VPS13B: variants seen among roughly 807,000 people sequenced by gnomAD.
VPS13B encodes the protein vacuolar protein sorting 13 homolog B.
Under a neutral mutation model 426.4 loss-of-function variants are expected in VPS13B, and 285 were observed. That is an observed-to-expected ratio of 0.67 (90% CI 0.61 to 0.74). VPS13B has a LOEUF of 0.74. VPS13B is among the 30% of genes least tolerant of loss of function. The pLI is 0.00. For synonymous variants in VPS13B, 1,676 were observed against 1,676.4 expected (o/e 1.00, Z 0.01); for missense variants, 4,537 against 4,782.6 (o/e 0.95, Z 1.51).
intron 25 of VPS13B, among the ~76,000 whole-genome samples, chr8:99,487,096 G>C (rs1820349588): frequency 6.9e-6 from 1 of 145,196 alleles, no homozygotes; most frequent in African/African-American, 2.6e-5. Flanking sequence ...GTTTCTCATT[G>C]ACCGAAACCA....
At chr8:99,517,189 C>T (rs1044041482) in intron 29 of VPS13B, among the ~76,000 whole-genome samples, 1 of 152,152 alleles carries the variant, frequency 6.6e-6, no homozygotes. Context: ...TTTTGAGAAT[C>T]TTAAAGGAAA....
intron 33 of VPS13B, among the ~76,000 whole-genome samples, chr8:99,602,135 T>C (rs1398010664): frequency 1.3e-5 from 2 of 152,234 alleles, no homozygotes; most frequent in Non-Finnish European, 2.9e-5. Context: ...GTTTTAGTTC[T>C]AAAATTTAAG....
Position 99,641,999 on chromosome 8 carries a change from T to A in VPS13B, c.5409T>A (p.Ile1803=). The A allele has an allele frequency of 6.2e-7, 1 of 1,614,150 alleles. No individual in the cohort carries two copies. Among genetic ancestry groups the A allele is most frequent in the East Asian group, 2.2e-5 (1 of 44,882 alleles). The change falls in exon 34 of 62, where the codon ATT becomes ATA. Residue 1803 remains isoleucine, a synonymous_variant. Transcript: ENST00000357162. The part of the protein sequence containing the change: ...RIARPSRQSS[I]VKNLNFIPFD... The stretch of plus-strand genomic sequence containing the variant: ...CCCGTCCCTCACGCCAGTCATCAAT[T>A]GTAAAAAATCTAAATTTTATTCCCT...
intron 20 of VPS13B, among the ~76,000 whole-genome samples, 191 bp from the exon 21 acceptor site, chr8:99,391,366 A>G (rs72672402): frequency 9.6e-6 from 1 of 103,738 alleles, no homozygotes; most frequent in Non-Finnish European, 2.1e-5. Context: ...TGTGTGTGTG[A>G]GAGAGAGAGA....
chr8:99,821,525 T>C (rs1361650699), intron 50 of VPS13B, 43 bp downstream of exon 50: 13 of 1,608,210 alleles, frequency 8.1e-6, no homozygotes, highest in Non-Finnish European at 1.1e-5. Context: ...TAGCATGCCA[T>C]CCCCTTAACC....
intron 30 of VPS13B, among the ~76,000 whole-genome samples, chr8:99,529,493 A>G (rs1453391663): frequency 6.6e-6 from 1 of 152,190 alleles, no homozygotes; most frequent in Non-Finnish European, 1.5e-5. Context: ...TTAAAGTTCA[A>G]TTAAAACTTA....
intron 17 of VPS13B, among the ~76,000 whole-genome samples, chr8:99,200,228 G>A (rs759411662): frequency 6.6e-6 from 1 of 151,900 alleles, no homozygotes; most frequent in Non-Finnish European, 1.5e-5. Flanking sequence ...AGCATATGTC[G>A]GTGCTCATTC....
At chr8:99,420,632 T>C (rs990761858) in intron 21 of VPS13B, among the ~76,000 whole-genome samples, 6 of 152,158 alleles carry the variant, frequency 3.9e-5, no homozygotes, top group African/African-American at 1.4e-4. Context: ...AGAATGTGTC[T>C]TCAGTGTCTA....
chr8:99,638,772 T>G (rs1588575550), intron 33 of VPS13B, among the ~76,000 whole-genome samples: 1 of 152,196 alleles, frequency 6.6e-6, no homozygotes. Flanking sequence ...GGGGAAGACC[T>G]TAAGGAGTAC....
intron 19 of VPS13B, among the ~76,000 whole-genome samples, chr8:99,358,472 T>C (rs1812312057): frequency 6.6e-6 from 1 of 152,216 alleles, no homozygotes; most frequent in Admixed American, 6.5e-5. Context: ...TAGTTGCTTA[T>C]AGAGTTATTT....
At chr8:99,517,600 T>G (rs2133657242) in intron 29 of VPS13B, among the ~76,000 whole-genome samples, 1 of 152,310 alleles carries the variant, frequency 6.6e-6, no homozygotes, top group Non-Finnish European at 1.5e-5. Flanking sequence ...TATGTGCAGT[T>G]ACTATCAGGA....
chr8:99,759,164 C>T (rs72676242), intron 39 of VPS13B, among the ~76,000 whole-genome samples: 3,384 of 152,238 alleles, frequency 0.022, 52 homozygotes, highest in Non-Finnish European at 0.032. Context: ...CAAAACCCTA[C>T]GTTGATCTCA....
intron 39 of VPS13B, among the ~76,000 whole-genome samples, chr8:99,740,362 G>T (rs1809642420): frequency 6.6e-6 from 1 of 152,216 alleles, no homozygotes; most frequent in African/African-American, 2.4e-5. Flanking sequence ...GTACCTAAAA[G>T]TGACGGGGAG....
chr8:99,520,395 G>GTA (rs1378872040), intron 29 of VPS13B, among the ~76,000 whole-genome samples: 6 of 149,828 alleles, frequency 4.0e-5, no homozygotes, highest in Non-Finnish European at 7.4e-5. Context: ...TACTTTGTGT[G>GTA]TGTGTGTGTG....
At chr8:99,735,830 G>A (rs563952475) in intron 39 of VPS13B, among the ~76,000 whole-genome samples, 66 of 152,240 alleles carry the variant, frequency 4.3e-4, no homozygotes, top group African/African-American at 1.5e-3. Context: ...TGCAGAAAGA[G>A]TATATTATGG....
At chr8:99,250,071 G>A (rs576523690) in intron 17 of VPS13B, among the ~76,000 whole-genome samples, 1 of 152,266 alleles carries the variant, frequency 6.6e-6, no homozygotes, top group East Asian at 1.9e-4. Context: ...AGATAGATGT[G>A]TAGTGATATC....
At chr8:99,195,505 A>G (rs1813864073) in intron 17 of VPS13B, among the ~76,000 whole-genome samples, 2 of 151,720 alleles carry the variant, frequency 1.3e-5, no homozygotes, top group African/African-American at 4.8e-5. Context: ...TGGTTTGTAA[A>G]TTTTTCTCCC....
intron 2 of VPS13B, among the ~76,000 whole-genome samples, chr8:99,028,795 G>A (rs1172535194): frequency 8.2e-6 from 1 of 122,162 alleles, no homozygotes; most frequent in Non-Finnish European, 1.7e-5. Flanking sequence ...AGGGGCGGCC[G>A]GGCAGAGGAG....
chr8:99,591,164 C>CTTTTT (rs376201526), intron 33 of VPS13B, among the ~76,000 whole-genome samples: 26 of 96,506 alleles, frequency 2.7e-4, no homozygotes, highest in Middle Eastern at 6.9e-3. Context: ...GCAACCGCTC[C>CTTTTT]TTTTTTTTTT....
Sources: allele counts gnomAD v4.1 joint callset (sites outside exome capture counted in the v4.1 genomes callset), GRCh38; gene constraint gnomAD v4.1.1; transcripts MANE v1.5; gene names NCBI Gene and HGNC (gene_info 2026-07-23, HGNC 2026-07-21).